Variants in STIM2 observed in about 807,000 individuals in gnomAD.
STIM2 encodes stromal interaction molecule 2.
Under a neutral mutation model 85.8 loss-of-function variants are expected in STIM2, and 31 were observed. That is an observed-to-expected ratio of 0.36 (90% CI 0.27 to 0.49). The LOEUF is 0.49. Ranked by LOEUF, STIM2 falls within the 20% of genes least tolerant of loss-of-function variation. The pLI is 0.98. For missense variants in STIM2, 841 were observed against 927.6 expected, an observed-to-expected ratio of 0.91 and a Z score of 1.21; for synonymous variants, 356 against 331.1, an observed-to-expected ratio of 1.08 and a Z score of -0.82.
intron 5 of STIM2, among the ~76,000 whole-genome samples, chr4:27,001,389 T>C (rs890088774): frequency 4.6e-5 from 7 of 152,176 alleles, no homozygotes; most frequent in African/African-American, 1.7e-4. Flanking sequence ...CTCTTTGTTT[T>C]AGACATAAGG....
intron 11 of STIM2, among the ~76,000 whole-genome samples, chr4:27,019,170 G>A (rs182853197): frequency 1.4e-4 from 21 of 152,188 alleles, no homozygotes; most frequent in Admixed American, 1.2e-3. Context: ...AAGCAAAAGG[G>A]AGTGGTCTAC....
intron 3 of STIM2, among the ~76,000 whole-genome samples, chr4:26,978,300 T>C: frequency 6.8e-6 from 1 of 148,128 alleles, no homozygotes; most frequent in East Asian, 1.9e-4. Flanking sequence ...TATGAAAATA[T>C]AAATCTATAT....
intron 3 of STIM2, among the ~76,000 whole-genome samples, chr4:26,994,520 T>G (rs1727886499): frequency 6.6e-6 from 1 of 152,128 alleles, no homozygotes; most frequent in Non-Finnish European, 1.5e-5. Flanking sequence ...TTCTTATTTC[T>G]CCGTATTTCA....
At chr4:26,952,868 A>G (rs1163557133) in intron 2 of STIM2, among the ~76,000 whole-genome samples, 1 of 152,162 alleles carries the variant, frequency 6.6e-6, no homozygotes, top group Non-Finnish European at 1.5e-5. Flanking sequence ...CCTTTTAAAT[A>G]GCTATATGAA....
chr4:26,974,659 C>T (rs1247185187), intron 3 of STIM2, among the ~76,000 whole-genome samples: 3 of 152,136 alleles, frequency 2.0e-5, no homozygotes, highest in Admixed American at 2.0e-4. Context: ...TTCTCTCTGG[C>T]TGCCTTAACA....
intron 4 of STIM2, among the ~76,000 whole-genome samples, chr4:26,998,683 C>T (rs577020830): frequency 1.9e-4 from 29 of 151,918 alleles, no homozygotes; most frequent in African/African-American, 6.8e-4. Context: ...GAGGCTGAGG[C>T]GGGCGGATCA....
At chr4:27,019,570 A>G in intron 11 of STIM2, 1 of 1,041,950 alleles carries the variant, frequency 9.6e-7, no homozygotes, top group South Asian at 1.3e-5. Flanking sequence ...GCTAGCTCTC[A>G]TAAATAAGAG....
At chr4:26,960,399 A>AAC (rs146409620) in intron 3 of STIM2, among the ~76,000 whole-genome samples, 1,771 of 152,176 alleles carry the variant, frequency 0.012, 14 homozygotes, top group Non-Finnish European at 0.018. Context: ...GTATATATAA[A>AAC]ACACACACAC....
At position 27,024,821 on chromosome 4, in the gene STIM2, A is replaced by C. The variant is rs1408857815; in HGVS notation, c.*1825A>C. 6.6e-6 allele frequency: 1 copy of C among 152,212 alleles called. No homozygotes were observed. Among genetic ancestry groups the C allele is most frequent in the African/African-American group, 2.4e-5 (1 of 41,456 alleles). 9.4% of individuals were successfully genotyped at this position (152,212 alleles called of 1,614,324 possible). A position where few individuals can be genotyped will look rare whatever the true frequency, so the allele number is the denominator to read the frequency against. On this transcript the variant is annotated 3_prime_UTR_variant, in exon 12 of 12. Transcript: ENST00000467087. ...GAGTGTTCATTCAGAGTGAAGGGAAAACTTTATCCTTCTATTTCTTATAAC... is the reference window on the plus strand; with the variant it reads ...GAGTGTTCATTCAGAGTGAAGGGAACACTTTATCCTTCTATTTCTTATAAC...
intron 2 of STIM2, among the ~76,000 whole-genome samples, chr4:26,950,428 T>C (rs1223657223): frequency 6.6e-6 from 1 of 152,160 alleles, no homozygotes; most frequent in Non-Finnish European, 1.5e-5. Flanking sequence ...TTGAATGTGT[T>C]CCCCAAAATT....
At chr4:26,948,093 T>C (rs1391686701) in intron 2 of STIM2, among the ~76,000 whole-genome samples, 3 of 152,220 alleles carry the variant, frequency 2.0e-5, no homozygotes. Flanking sequence ...TCAGGTATGA[T>C]TGGATTCTTG....
In STIM2 at chr4:26,999,076, G is replaced by A. The variant is rs998865104; in HGVS notation, c.510-156G>A. Among the ~76,000 whole-genome samples the A allele has an allele frequency of 2.0e-5, 3 of 152,042 alleles. No individual in the cohort carries two copies. In the East Asian group the frequency reaches 5.8e-4, roughly 29 times the overall value. On this transcript the variant is annotated intron_variant, in intron 4 of 11. Coordinates refer to ENST00000467087, the MANE Select transcript of STIM2 (RefSeq NM_020860.4). ...TGCACTGAAGAGGTTTTTGAAACAT[G>A]TAACAAATTATTAAATCACACATGG...
intron 3 of STIM2, among the ~76,000 whole-genome samples, chr4:26,968,404 G>A (rs1328468966): frequency 1.7e-4 from 26 of 152,152 alleles, no homozygotes; most frequent in Non-Finnish European, 1.5e-4. Flanking sequence ...ATTATGCTAA[G>A]TGAAAAAAGC....
At chr4:26,988,945 T>G (rs969299391) in intron 3 of STIM2, among the ~76,000 whole-genome samples, 1 of 152,210 alleles carries the variant, frequency 6.6e-6, no homozygotes, top group African/African-American at 2.4e-5. Flanking sequence ...AATTTTTCTT[T>G]GGAGTGGGGG....
At chr4:26,899,083 G>T (rs745826646) in intron 1 of STIM2, among the ~76,000 whole-genome samples, 2 of 151,410 alleles carry the variant, frequency 1.3e-5, no homozygotes, top group African/African-American at 2.4e-5. Context: ...GCTGTATTTT[G>T]CTATAGATTA....
rs1299402313 is a variant in STIM2 at position 26,932,783 on chromosome 4, A to T, written c.282+13149A>T. ...AGTACTTGTCAACAACAGAAAAATA[A>T]TTAAGAGCTGAAGAAACTAACTTCG... is the stretch of plus-strand genomic sequence containing the variant. On this transcript the variant is annotated intron_variant, in intron 2 of 11. Transcript: ENST00000467087. 5.3e-5 allele frequency among the ~76,000 whole-genome samples: 8 copies of T among 152,322 alleles called. No homozygotes were observed. In the South Asian group the frequency reaches 1.7e-3, roughly 32 times the overall value.
At chr4:26,894,538 ATTT>A (rs778868359) in intron 1 of STIM2, among the ~76,000 whole-genome samples, 1 of 139,350 alleles carries the variant, frequency 7.2e-6, no homozygotes. Context: ...TTGCAGCACC[ATTT>A]TTTTTTTTTT....
intron 3 of STIM2, among the ~76,000 whole-genome samples, chr4:26,981,952 C>T (rs776018618): frequency 9.8e-5 from 14 of 142,694 alleles, no homozygotes; most frequent in Non-Finnish European, 1.4e-4. Flanking sequence ...TACCCCACAC[C>T]GAACAAATGT....
At chr4:26,874,386 C>A in intron 1 of STIM2, 1 of 232,126 alleles carries the variant, frequency 4.3e-6, no homozygotes. Flanking sequence ...CACTAGGGCC[C>A]AGCACCCCCA....
Sources: allele counts gnomAD v4.1 joint callset (sites outside exome capture counted in the v4.1 genomes callset), GRCh38; gene constraint gnomAD v4.1.1; transcripts MANE v1.5; gene names NCBI Gene and HGNC (gene_info 2026-07-23, HGNC 2026-07-21).